Variants in SUSD6 observed in about 807,000 individuals in gnomAD.
SUSD6 encodes sushi domain-containing protein 6.
In SUSD6, 16 loss-of-function variants were observed where a neutral mutation model predicts 28.4. The ratio of observed to expected loss-of-function variants is 0.56; its 90% CI spans 0.38 to 0.86. The LOEUF (loss-of-function observed/expected upper bound fraction) is 0.86. Among genes scored for constraint, SUSD6 ranks in the 40% least tolerant of loss-of-function variants. SUSD6 has a pLI of 0.00. For missense variants in SUSD6, 341 were observed against 384.2 expected, an observed-to-expected ratio of 0.89 and a Z score of 0.94; for synonymous variants, 147 against 159.6, an observed-to-expected ratio of 0.92 and a Z score of 0.59.
intron 5 of SUSD6, 41 bp downstream of exon 5, chr14:69,709,145 G>C (rs1229717938): frequency 6.7e-7 from 1 of 1,492,188 alleles, no homozygotes; most frequent in Non-Finnish European, 9.0e-7. Flanking sequence ...AGCTGCTTAG[G>C]GTCCTTGCTG....
intron 2 of SUSD6, among the ~76,000 whole-genome samples, chr14:69,664,188 G>T (rs1343768579): frequency 1.3e-5 from 2 of 152,074 alleles, no homozygotes; most frequent in African/African-American, 2.4e-5. Flanking sequence ...CACAGTGTTA[G>T]CCAGGATGGT....
rs748637895 is a variant in SUSD6 at position 69,712,945 on chromosome 14, C to G, written c.*1966C>G. The G allele has an allele frequency of 2.0e-5, 3 of 152,320 alleles. No homozygotes were observed. Among genetic ancestry groups the G allele is most frequent in the African/African-American group, 2.4e-5 (1 of 41,422 alleles). The allele number at this position is 152,320 out of a possible 1,614,324, so 9.4% of individuals were successfully genotyped here. The stretch of plus-strand genomic sequence containing the variant: ...CATGGGCCCACCTGGAGGGCTGTCC[C>G]TAATGGCCCCAGTCGCCTTACCTCA... On this transcript the variant is annotated 3_prime_UTR_variant, in exon 6 of 6. Transcript: ENST00000342745.
intron 4 of SUSD6, 44 bp downstream of exon 4, chr14:69,704,786 C>T (rs1886364205): frequency 6.2e-7 from 1 of 1,600,556 alleles, no homozygotes; most frequent in Non-Finnish European, 8.5e-7. Flanking sequence ...CAGGTGCAAG[C>T]ATTACTGTGG....
chr14:69,650,646 C>CGT (rs1566595188), intron 1 of SUSD6, among the ~76,000 whole-genome samples: 1 of 152,182 alleles, frequency 6.6e-6, no homozygotes, highest in African/African-American at 2.4e-5. Context: ...CCTCCTCCCC[C>CGT]CTCTTTTTCT....
chr14:69,626,298 C>T (rs1885113453), intron 1 of SUSD6, among the ~76,000 whole-genome samples: 1 of 152,124 alleles, frequency 6.6e-6, no homozygotes, highest in African/African-American at 2.4e-5. Context: ...TCAGACCTTC[C>T]CACATGTGCC....
At chr14:69,623,968 T>A (rs917019823) in intron 1 of SUSD6, among the ~76,000 whole-genome samples, 13 of 152,170 alleles carry the variant, frequency 8.5e-5, no homozygotes, top group Non-Finnish European at 1.3e-4. Context: ...GAAAAAATTT[T>A]AAAAAATATG....
chr14:69,699,215 CT>C (rs1223410485), intron 2 of SUSD6, among the ~76,000 whole-genome samples: 1 of 151,862 alleles, frequency 6.6e-6, no homozygotes, highest in Non-Finnish European at 1.5e-5. Flanking sequence ...CTTTTCTTTT[CT>C]TTTTTTAAAC....
intron 1 of SUSD6, chr14:69,617,105 A>G (rs1884970801): frequency 6.6e-6 from 1 of 152,208 alleles, no homozygotes; most frequent in African/African-American, 2.4e-5. Flanking sequence ...ATGTTTTACC[A>G]TGTATCAGTA....
rs2139650338 is a variant in SUSD6 at position 69,711,820 on chromosome 14, TC to T, written c.*843del. 1 of 152,410 alleles carries T rather than the reference TC, an allele frequency of 6.6e-6. No individual in the cohort carries two copies. The highest frequency in any genetic ancestry group is 1.5e-5 in the Non-Finnish European group (1 of 68,064). 9.4% of individuals were successfully genotyped at this position (152,410 alleles called of 1,614,324 possible). A position where few individuals can be genotyped will look rare whatever the true frequency, so the allele number is the denominator to read the frequency against. On this transcript the variant is annotated 3_prime_UTR_variant, in exon 6 of 6. Transcript: ENST00000342745. ...CACTTCCTACTTCCAGCATCGGCCTTCCTGGCCTTGTCTTTTTTTTGTTTCC... is the reference window on the plus strand; with the variant it reads ...CACTTCCTACTTCCAGCATCGGCCTTCTGGCCTTGTCTTTTTTTTGTTTCC...
rs146391880 is a variant in SUSD6 at position 69,695,326 on chromosome 14, A to G, written c.122-8069A>G. Among the ~76,000 whole-genome samples, 115 of 152,304 alleles carry G rather than the reference A, an allele frequency of 7.6e-4. 1 individual carries two copies. The South Asian group carries it at 0.015, about 20-fold the overall frequency. On this transcript the variant is annotated intron_variant, in intron 2 of 5. Coordinates refer to ENST00000342745, the MANE Select transcript of SUSD6 (RefSeq NM_014734.4). ...AAGTCCACAGCAGGAATCTGTCCCAATGCAGGAATTTCTGCATGGACAGGA... is the reference window on the plus strand; with the variant it reads ...AAGTCCACAGCAGGAATCTGTCCCAGTGCAGGAATTTCTGCATGGACAGGA...
intron 1 of SUSD6, among the ~76,000 whole-genome samples, chr14:69,656,574 C>A (rs1595044508): frequency 1.3e-5 from 2 of 152,228 alleles, no homozygotes; most frequent in Admixed American, 1.3e-4. Flanking sequence ...AACTCTAAGG[C>A]CCCTACTGTG....
intron 1 of SUSD6, among the ~76,000 whole-genome samples, chr14:69,651,415 G>A (rs1188369333): frequency 6.6e-6 from 1 of 152,196 alleles, no homozygotes. Flanking sequence ...TAATGGCTTA[G>A]GTGGCTTAAG....
intron 4 of SUSD6, among the ~76,000 whole-genome samples, chr14:69,706,317 T>C (rs1187279243): frequency 6.6e-6 from 1 of 151,570 alleles, no homozygotes; most frequent in East Asian, 2.0e-4. Flanking sequence ...ACTGGCTAGT[T>C]TTGCTTGATT....
rs550694492 is a variant in SUSD6, at chr14:69,654,653, G to A, written c.-80-3860G>A. ...CATTTTGTTTGAATAGATAATACAT[G>A]TACAAAGTACAACACTCAATATAGT... On this transcript the variant is annotated intron_variant, in intron 1 of 5. Coordinates refer to ENST00000342745, the MANE Select transcript of SUSD6 (RefSeq NM_014734.4). 9.2e-5 allele frequency among the ~76,000 whole-genome samples: 14 copies of A among 152,090 alleles called. No homozygotes were observed. The South Asian group carries it at 2.9e-3, about 32-fold the overall frequency.
At chr14:69,684,118 G>C (rs949890710) in intron 2 of SUSD6, among the ~76,000 whole-genome samples, 2 of 152,200 alleles carry the variant, frequency 1.3e-5, no homozygotes, top group African/African-American at 4.8e-5. Context: ...GGACCCAGTG[G>C]GGTCAAGCAT....
intron 1 of SUSD6, among the ~76,000 whole-genome samples, chr14:69,656,582 G>C (rs924064492): frequency 6.6e-6 from 1 of 152,232 alleles, no homozygotes; most frequent in Non-Finnish European, 1.5e-5. Context: ...GGCCCCTACT[G>C]TGCAGGTCTT....
chr14:69,703,331 A>T, intron 2 of SUSD6, 64 bp from the exon 3 acceptor site: 1 of 1,300,100 alleles, frequency 7.7e-7, no homozygotes, highest in Non-Finnish European at 1.1e-6. Flanking sequence ...GAGCTGCGTC[A>T]CTGAGAGCAG....
chr14:69,654,742 C>G (rs1885553257), intron 1 of SUSD6, among the ~76,000 whole-genome samples: 1 of 151,620 alleles, frequency 6.6e-6, no homozygotes, highest in Non-Finnish European at 1.5e-5. Context: ...CAGTTCCCCT[C>G]CCTGAAGGCG....
At chr14:69,642,139 C>T (rs541683459) in intron 1 of SUSD6, among the ~76,000 whole-genome samples, 1 of 152,130 alleles carries the variant, frequency 6.6e-6, no homozygotes, top group Non-Finnish European at 1.5e-5. Context: ...CATAGTTCTA[C>T]CTTGCTGGGT....
Sources: gnomAD v4.1 joint callset for allele counts (sites outside exome capture counted in the v4.1 genomes callset) on GRCh38, gnomAD v4.1.1 for gene constraint, MANE v1.5 for transcripts, NCBI Gene and HGNC (gene_info 2026-07-23, HGNC 2026-07-21) for gene names.